The following SAA2 variants were observed in gnomAD, a reference collection of about 807,000 sequenced individuals.
SAA2 encodes the protein serum amyloid A2.
A neutral mutation model predicts 9.1 loss-of-function variants in SAA2; 5 were observed. The ratio of observed to expected loss-of-function variants is 0.55; its 90% confidence interval spans 0.29 to 1.16. The LOEUF is 1.16. Among genes scored for constraint, SAA2 ranks in the 50% most tolerant of loss-of-function variants. SAA2 has a pLI of 0.09. For missense variants in SAA2, 94 were observed against 153.8 expected (o/e 0.61, Z 2.06); for synonymous variants, 49 against 59.8 (o/e 0.82, Z 0.83).
downstream of SAA2, among the ~76,000 whole-genome samples, chr11:18,244,642 A>G (rs115647556): frequency 2.6e-3 from 399 of 152,292 alleles, 3 homozygotes; most frequent in African/African-American, 9.2e-3. Context: ...GTTCTTCTCT[A>G]TCTGGCTCTC....
chr11:18,239,156 C>T (rs746608903), downstream of SAA2: 1 of 152,200 alleles, frequency 6.6e-6, no homozygotes, highest in Non-Finnish European at 1.5e-5. Flanking sequence ...TAGATGGTCA[C>T]CCAGTTGTAC....
In SAA2 at chr11:18,245,462, A is replaced by G. The variant is rs1370946814; in HGVS notation, c.284T>C (p.Leu95Pro). 10 of 1,614,108 alleles carry G rather than the reference A, an allele frequency of 6.2e-6. No individual in the cohort carries two copies. The highest frequency in any genetic ancestry group is 7.6e-6 in the Non-Finnish European group (9 of 1,180,040). ...CCATTTATTGGCAGCCTGATCGGCCAGCGAGTCCTCCGCACCACGGCCTGT... is the reference window on the plus strand; with the variant it reads ...CCATTTATTGGCAGCCTGATCGGCCGGCGAGTCCTCCGCACCACGGCCTGT... ...RLTGRGAEDSLADQAANKWGR... is the reference protein window; with the variant it reads ...RLTGRGAEDSPADQAANKWGR... The change falls in exon 4 of 4, where the codon CTG (leucine) becomes CCG (proline). Residue 95 changes from leucine to proline, a missense_variant. Physicochemically the swap from Leu to Pro is moderately conservative, Grantham distance 98. This residue lies in a region of SAA2 where 62 missense variants were observed against 58.3 expected (regional missense o/e 1.06). Transcript: ENST00000256733.
downstream of SAA2, among the ~76,000 whole-genome samples, chr11:18,243,098 C>G (rs1157020209): frequency 6.6e-6 from 1 of 151,754 alleles, no homozygotes; most frequent in Non-Finnish European, 1.5e-5. Context: ...TTTTTTTATA[C>G]TTTTTCTTCC....
At chr11:18,238,321 G>C (rs1205141837), downstream of SAA2, among the ~76,000 whole-genome samples, 1 of 152,100 alleles carries the variant, frequency 6.6e-6, no homozygotes, top group Non-Finnish European at 1.5e-5. Flanking sequence ...TCTAGGATAT[G>C]AGTTACAAAT....
At chr11:18,246,152 G>A in intron 2 of SAA2, 104 bp from the exon 3 acceptor site, 1 of 1,483,884 alleles carries the variant, frequency 6.7e-7, no homozygotes, top group East Asian at 2.5e-5. Flanking sequence ...CTGACTTCAA[G>A]CTTTCAGCCT....
chr11:18,245,286 C>G lies in SAA2; in HGVS notation c.*91G>C. The G allele has an allele frequency of 6.4e-7, 1 of 1,566,344 alleles. No individual in the cohort carries two copies. Among genetic ancestry groups the G allele is most frequent in the Non-Finnish European group, 8.7e-7 (1 of 1,155,130 alleles). ...TAGATGCCTATTATATGCCATATCT[C>G]AGCTTCTCTGGACATAGACCTCACT... On this transcript the variant is annotated 3_prime_UTR_variant, in exon 4 of 4. Coordinates refer to ENST00000256733, the MANE Select transcript of SAA2 (RefSeq NM_030754.5).
downstream of SAA2, among the ~76,000 whole-genome samples, chr11:18,243,167 G>T (rs1296145904): frequency 2.0e-5 from 3 of 151,948 alleles, no homozygotes; most frequent in African/African-American, 7.3e-5. Context: ...TTTCAAGAAG[G>T]GGAGTGATTT....
chr11:18,245,224 A>G, downstream of SAA2: 1 of 1,453,850 alleles, frequency 6.9e-7, no homozygotes, highest in Non-Finnish European at 9.1e-7. Flanking sequence ...AAAGAAGAAC[A>G]CACTGTTTCA....
At chr11:18,244,177 T>G (rs1166185260), downstream of SAA2, among the ~76,000 whole-genome samples, 2 of 152,230 alleles carry the variant, frequency 1.3e-5, no homozygotes, top group African/African-American at 4.8e-5. Context: ...CAGCTTGGGC[T>G]GCTGTAACAA....
chr11:18,240,531 C>T (rs190698836), downstream of SAA2, among the ~76,000 whole-genome samples: 9 of 152,194 alleles, frequency 5.9e-5, no homozygotes, highest in Non-Finnish European at 7.4e-5. Flanking sequence ...AAAATAGACA[C>T]GTAGACCAAT....
At chr11:18,240,019 C>A in intron 3 of SAA2, 1 of 1,547,366 alleles carries the variant, frequency 6.5e-7, no homozygotes, top group Non-Finnish European at 8.7e-7. Flanking sequence ...CGTATTTTAA[C>A]ATGCAAGGGG....
downstream of SAA2, among the ~76,000 whole-genome samples, chr11:18,238,595 C>T (rs562789516): frequency 3.1e-4 from 47 of 151,978 alleles, no homozygotes; most frequent in Non-Finnish European, 5.0e-4. Context: ...CCATGCAATG[C>T]GCAATAATCA....
downstream of SAA2, among the ~76,000 whole-genome samples, chr11:18,243,025 C>T (rs1445365945): frequency 6.6e-6 from 1 of 152,110 alleles, no homozygotes; most frequent in Non-Finnish European, 1.5e-5. Context: ...ATTATAAATT[C>T]CTGGGTAAAC....
exon 4 of SAA2, chr11:18,239,256 T>C (rs1431194591): frequency 6.5e-6 from 1 of 154,076 alleles, no homozygotes; most frequent in Non-Finnish European, 1.4e-5. Flanking sequence ...CACTTATGTC[T>C]AATTCTGAGG....
chr11:18,248,305 C>T (rs535985131), intron 1 of SAA2: 21 of 334,170 alleles, frequency 6.3e-5, no homozygotes, highest in South Asian at 4.5e-4. Flanking sequence ...TTCCCCATAA[C>T]GCATTTACCG....
At position 18,245,282 on chromosome 11, in the gene SAA2, A is replaced by G; in HGVS notation, c.*95T>C. Reference sequence around the variant, plus strand: ...TTATTAGATGCCTATTATATGCCATATCTCAGCTTCTCTGGACATAGACCT... The same window carrying G: ...TTATTAGATGCCTATTATATGCCATGTCTCAGCTTCTCTGGACATAGACCT... On this transcript the variant is annotated 3_prime_UTR_variant, in exon 4 of 4. Transcript: ENST00000256733. The G allele has an allele frequency of 6.4e-7, 1 of 1,562,472 alleles. No homozygotes were observed. The highest frequency in any genetic ancestry group is 8.7e-7 in the Non-Finnish European group (1 of 1,153,348).
At chr11:18,239,965 A>G (rs1184897829) in exon 4 of SAA2, 1 of 1,551,154 alleles carries the variant, frequency 6.4e-7, no homozygotes, top group East Asian at 2.4e-5. Flanking sequence ...TCAGCTGAAA[A>G]TAAACTGACA....
downstream of SAA2, among the ~76,000 whole-genome samples, chr11:18,241,507 C>T (rs775442567): frequency 8.6e-5 from 13 of 151,926 alleles, no homozygotes; most frequent in East Asian, 3.9e-4. Context: ...GGTTAATCAA[C>T]GAATGATTGG....
chr11:18,242,516 T>C (rs1329642636), downstream of SAA2: 1 of 452,758 alleles, frequency 2.2e-6, no homozygotes, highest in Non-Finnish European at 3.9e-6. Flanking sequence ...CCAGAAACAA[T>C]GTGAATCTGG....
Sources: allele counts gnomAD v4.1 joint callset (sites outside exome capture counted in the v4.1 genomes callset), GRCh38; gene constraint gnomAD v4.1.1; regional missense constraint gnomAD v4.1.1; transcripts MANE v1.5; gene names NCBI Gene and HGNC (gene_info 2026-07-23, HGNC 2026-07-21).